Variants in POFUT3 observed in about 807,000 individuals in gnomAD.
POFUT3 encodes the protein GDP-fucose protein O-fucosyltransferase 3.
the POFUT3 span, among the ~76,000 whole-genome samples, chr8:33,320,163 G>T: frequency 6.6e-6 from 1 of 151,858 alleles, no homozygotes; most frequent in Non-Finnish European, 1.5e-5. Context: ...CCTTTTAATT[G>T]CTGATGATTT....
At chr8:33,413,429 G>A in the POFUT3 span, among the ~76,000 whole-genome samples, 1 of 152,064 alleles carries the variant, frequency 6.6e-6, no homozygotes, top group Non-Finnish European at 1.5e-5. Context: ...GCAAGAAGGT[G>A]GCTGTCTGCA....
chr8:33,398,350 A>C, the POFUT3 span, among the ~76,000 whole-genome samples: 1 of 152,216 alleles, frequency 6.6e-6, no homozygotes. Flanking sequence ...TAGCATGTTA[A>C]CACTGTTTTT....
the POFUT3 span, among the ~76,000 whole-genome samples, chr8:33,317,595 C>A: frequency 3.2e-3 from 483 of 152,236 alleles, 2 homozygotes; most frequent in African/African-American, 0.011. Context: ...AATGTATAAG[C>A]CCTGTCTTTT....
At chr8:33,331,769 G>A in the POFUT3 span, among the ~76,000 whole-genome samples, 3 of 151,774 alleles carry the variant, frequency 2.0e-5, no homozygotes, top group African/African-American at 4.8e-5. Flanking sequence ...TCCGCCTCCC[G>A]GGTTCACGCC....
the POFUT3 span, among the ~76,000 whole-genome samples, chr8:33,334,235 T>C: frequency 6.6e-6 from 1 of 152,056 alleles, no homozygotes; most frequent in African/African-American, 2.4e-5. Context: ...TTTTTTTTTT[T>C]AAGACAGAGT....
At chr8:33,408,092 G>T in the POFUT3 span, among the ~76,000 whole-genome samples, 2 of 151,866 alleles carry the variant, frequency 1.3e-5, no homozygotes, top group East Asian at 3.9e-4. Flanking sequence ...GGGAGGCTAA[G>T]GTGGGAGGAT....
At chr8:33,414,107 G>A in the POFUT3 span, among the ~76,000 whole-genome samples, 1 of 152,088 alleles carries the variant, frequency 6.6e-6, no homozygotes, top group African/African-American at 2.4e-5. Flanking sequence ...AAATACAATT[G>A]TCTTAAGATT....
At chr8:33,444,933 C>CTT in the POFUT3 span, among the ~76,000 whole-genome samples, 10,265 of 121,268 alleles carry the variant, frequency 0.085, 1,233 homozygotes, top group African/African-American at 0.23. Context: ...TGACCTTCAT[C>CTT]TTTTTTTTTT....
chr8:33,436,441 G>T, the POFUT3 span: 1 of 1,444,120 alleles, frequency 6.9e-7, no homozygotes, highest in Admixed American at 1.7e-5. Context: ...GGTACAGGTG[G>T]GACTGATGTT....
At chr8:33,331,272 T>A in the POFUT3 span, among the ~76,000 whole-genome samples, 5 of 151,338 alleles carry the variant, frequency 3.3e-5, no homozygotes, top group Admixed American at 3.3e-4. Flanking sequence ...AGGCGGAGGT[T>A]GTAGTGAGCT....
the POFUT3 span, among the ~76,000 whole-genome samples, chr8:33,431,353 C>T: frequency 6.6e-6 from 1 of 151,532 alleles, no homozygotes. Flanking sequence ...TCAAGACCAG[C>T]CTGGCCAATA....
chr8:33,465,389 C>CATATATAT, the POFUT3 span, among the ~76,000 whole-genome samples: 7 of 145,512 alleles, frequency 4.8e-5, no homozygotes, highest in African/African-American at 1.6e-4. Context: ...TGCCCAAGAT[C>CATATATAT]ATATATATAT....
chr8:33,399,402 T>A, the POFUT3 span, among the ~76,000 whole-genome samples: 1 of 152,206 alleles, frequency 6.6e-6, no homozygotes, highest in Non-Finnish European at 1.5e-5. Flanking sequence ...ATAGTCATAA[T>A]AATGTAAAGA....
At chr8:33,374,892 GA>G in the POFUT3 span, among the ~76,000 whole-genome samples, 1 of 81,738 alleles carries the variant, frequency 1.2e-5, no homozygotes, top group Non-Finnish European at 2.6e-5. Context: ...TTTTTTTTTT[GA>G]GACAGAATCT....
chr8:33,342,809 A>C, the POFUT3 span, among the ~76,000 whole-genome samples: 2 of 152,148 alleles, frequency 1.3e-5, no homozygotes, highest in Admixed American at 1.3e-4. Flanking sequence ...CTAGTCACTT[A>C]TCCTAAAGAA....
the POFUT3 span, among the ~76,000 whole-genome samples, chr8:33,439,589 C>T: frequency 6.6e-6 from 1 of 151,898 alleles, no homozygotes; most frequent in Non-Finnish European, 1.5e-5. Context: ...TAACTTCAGC[C>T]GGGCGCGGTT....
chr8:33,434,495 T>C, the POFUT3 span, among the ~76,000 whole-genome samples: 1 of 152,204 alleles, frequency 6.6e-6, no homozygotes, highest in Non-Finnish European at 1.5e-5. Flanking sequence ...TACTGATTGC[T>C]CTTTCATGAC....
the POFUT3 span, chr8:33,372,491 A>C: frequency 6.7e-7 from 1 of 1,493,956 alleles, no homozygotes; most frequent in African/African-American, 1.4e-5. Context: ...AGTCAACAGA[A>C]TAGCTATTAT....
chr8:33,336,791 A>G, the POFUT3 span, among the ~76,000 whole-genome samples: 3 of 152,202 alleles, frequency 2.0e-5, no homozygotes, highest in African/African-American at 7.2e-5. Flanking sequence ...TGTCCTGCCC[A>G]AGAGTAGACA....
Sources: allele counts gnomAD v4.1 joint callset (sites outside exome capture counted in the v4.1 genomes callset), GRCh38; gene constraint gnomAD v4.1.1; transcripts MANE v1.5; gene names NCBI Gene and HGNC (gene_info 2026-07-23, HGNC 2026-07-21).